Variants in ZNF652 observed in about 807,000 individuals in gnomAD.
ZNF652 encodes the protein zinc finger protein 652.
A neutral mutation model predicts 45.2 loss-of-function variants in ZNF652; 16 were observed. The ratio of observed to expected loss-of-function variants is 0.35; its 90% confidence interval spans 0.24 to 0.54. The LOEUF (loss-of-function observed/expected upper bound fraction) is 0.54. Ranked by LOEUF, ZNF652 falls within the 20% of genes least tolerant of loss-of-function variation. The pLI is 0.91. For synonymous variants in ZNF652, 250 were observed against 260.6 expected (o/e 0.96, Z 0.39); for missense variants, 614 against 765.6 (o/e 0.80, Z 2.34).
rs145396590 is a variant in ZNF652 at position 49,356,300 on chromosome 17, G to A, written c.-259+5609C>T. Among the ~76,000 whole-genome samples, 472 of 150,558 alleles carry A rather than the reference G, an allele frequency of 3.1e-3. 3 individuals are homozygous for A. The highest frequency in any genetic ancestry group is 0.011 in the African/African-American group (440 of 40,984). ...AAATTAGCCAGGCACGGTGGCAGGC[G>A]CCTGTAATCCCAGCTACTTGGGGGA... On this transcript the variant is annotated intron_variant, in intron 1 of 5. Coordinates refer to ENST00000430262, the MANE Select transcript of ZNF652 (RefSeq NM_001145365.3).
At chr17:49,355,083 A>C (rs1358523558) in intron 1 of ZNF652, among the ~76,000 whole-genome samples, 1 of 152,162 alleles carries the variant, frequency 6.6e-6, no homozygotes, top group Non-Finnish European at 1.5e-5. Flanking sequence ...TCATCAACCA[A>C]TTGATTGACA....
rs1473018893 is a variant in ZNF652 at position 49,294,222 on chromosome 17, G to A, written c.*4191C>T. ...CATCTCATCAGAGCATTTTGCTTTC[G>A]GTTAGTATATGAGGGACAATCAAAT... is the stretch of plus-strand genomic sequence containing the variant. On this transcript the variant is annotated 3_prime_UTR_variant, in exon 6 of 6. Coordinates refer to ENST00000430262, the MANE Select transcript of ZNF652 (RefSeq NM_001145365.3). Among the ~76,000 whole-genome samples the A allele has an allele frequency of 6.6e-6, 1 of 152,018 alleles. No individual in the cohort carries two copies. Among genetic ancestry groups the A allele is most frequent in the Non-Finnish European group, 1.5e-5 (1 of 67,994 alleles).
At chr17:49,310,114 C>G (rs1471390143) in intron 5 of ZNF652, among the ~76,000 whole-genome samples, 1 of 152,114 alleles carries the variant, frequency 6.6e-6, no homozygotes, top group Non-Finnish European at 1.5e-5. Context: ...CCACCATGCC[C>G]GGCTAATTTT....
chr17:49,351,010 TATATACACACACACACACACAC>T (rs1363470191), intron 1 of ZNF652, among the ~76,000 whole-genome samples: 18 of 19,650 alleles, frequency 9.2e-4, no homozygotes, highest in African/African-American at 3.7e-3. Context: ...TATATATATA[TATATACACACACACACACACAC>T]ACACACACAC....
In ZNF652 at chr17:49,289,300, A is replaced by T. The variant is rs2069373857; in HGVS notation, c.*9113T>A. 6.6e-6 allele frequency: 1 copy of T among 151,746 alleles called. No individual in the cohort carries two copies. The highest frequency in any genetic ancestry group is 1.5e-5 in the Non-Finnish European group (1 of 67,992). The allele number at this position is 151,746 out of a possible 1,614,324, so 9.4% of individuals were successfully genotyped here. ...GGCCCAGCATCTCAGAAAAATCATTAGGCGGCACACCTGTACCAGAGTCTC... is the reference window on the plus strand; with the variant it reads ...GGCCCAGCATCTCAGAAAAATCATTTGGCGGCACACCTGTACCAGAGTCTC... On this transcript the variant is annotated 3_prime_UTR_variant, in exon 6 of 6. Transcript: ENST00000430262.
chr17:49,351,598 C>T (rs1240500942), intron 1 of ZNF652, among the ~76,000 whole-genome samples: 1 of 151,936 alleles, frequency 6.6e-6, no homozygotes, highest in Non-Finnish European at 1.5e-5. Context: ...TATATATGTG[C>T]GCTCATATTG....
chr17:49,301,865 G>A (rs1436534450), intron 5 of ZNF652, among the ~76,000 whole-genome samples: 2 of 150,528 alleles, frequency 1.3e-5, no homozygotes, highest in African/African-American at 4.9e-5. Flanking sequence ...TGTCTATATA[G>A]TAAAAAACAA....
At chr17:49,318,226 C>T (rs1430404753) in intron 1 of ZNF652, among the ~76,000 whole-genome samples, 3 of 152,046 alleles carry the variant, frequency 2.0e-5, no homozygotes, top group East Asian at 1.9e-4. Context: ...TACAGGCGCC[C>T]GCCACCACAC....
intron 1 of ZNF652, among the ~76,000 whole-genome samples, chr17:49,351,012 TATACACACACACACACACAC>T (rs1292453505): frequency 0.049 from 980 of 19,948 alleles, 21 homozygotes; most frequent in African/African-American, 0.18. Flanking sequence ...TATATATATA[TATACACACACACACACACAC>T]ACACACACAC....
At chr17:49,359,349 G>C (rs1264551500) in intron 1 of ZNF652, among the ~76,000 whole-genome samples, 1 of 152,158 alleles carries the variant, frequency 6.6e-6, no homozygotes, top group Non-Finnish European at 1.5e-5. Context: ...AACTTATAGG[G>C]TATGCTGCAT....
chr17:49,300,229 G>A (rs966689067), intron 5 of ZNF652, among the ~76,000 whole-genome samples: 2 of 152,140 alleles, frequency 1.3e-5, no homozygotes, highest in African/African-American at 4.8e-5. Flanking sequence ...CTGGCACCCA[G>A]CATTCCTGGT....
intron 1 of ZNF652, among the ~76,000 whole-genome samples, chr17:49,346,950 A>G (rs2070211214): frequency 6.6e-6 from 1 of 152,234 alleles, no homozygotes; most frequent in Non-Finnish European, 1.5e-5. Flanking sequence ...TCCTAAGGGA[A>G]AGAAAGGAAG....
intron 5 of ZNF652, among the ~76,000 whole-genome samples, chr17:49,310,551 G>A (rs1490984300): frequency 6.6e-6 from 1 of 152,134 alleles, no homozygotes; most frequent in Non-Finnish European, 1.5e-5. Context: ...CTCTTGGAAC[G>A]GATGTGTTCC....
intron 1 of ZNF652, among the ~76,000 whole-genome samples, chr17:49,340,851 G>C: frequency 6.6e-6 from 1 of 152,168 alleles, no homozygotes; most frequent in South Asian, 2.1e-4. Context: ...TGGGGCTGCA[G>C]TGGAGTGGAA....
At chr17:49,316,007 A>G (rs764697269) in intron 2 of ZNF652, among the ~76,000 whole-genome samples, 54 of 152,204 alleles carry the variant, frequency 3.5e-4, no homozygotes, top group Non-Finnish European at 6.2e-4. Flanking sequence ...GGTACAAAAT[A>G]TTTCTGTTAC....
At chr17:49,320,460 A>G (rs1381786262) in intron 1 of ZNF652, among the ~76,000 whole-genome samples, 3 of 152,250 alleles carry the variant, frequency 2.0e-5, no homozygotes, top group African/African-American at 7.2e-5. Context: ...CGACAGAGGT[A>G]GTATTTGACT....
In ZNF652 at chr17:49,317,835, GA is replaced by G; in HGVS notation, c.-111del. ...CTCATCCACAAAGAATCACTCAAAT[GA>G]AAAAAAGATATTCCTGGAAACTGTG... On this transcript the variant is annotated 5_prime_UTR_variant, in exon 2 of 6. The change abolishes the stop of an existing upstream ORF in the 5' untranslated region. Coordinates refer to ENST00000430262, the MANE Select transcript of ZNF652 (RefSeq NM_001145365.3). The G allele has an allele frequency of 2.4e-5, 28 of 1,169,594 alleles. No individual in the cohort carries two copies. The highest frequency in any genetic ancestry group is 3.1e-5 in the Non-Finnish European group (27 of 865,530). 72.5% of individuals were successfully genotyped at this position (1,169,594 alleles called of 1,614,324 possible).
At position 49,321,209 on chromosome 17, in the gene ZNF652, A is replaced by C. The variant is rs1283233319; in HGVS notation, c.-258-3226T>G. Among the ~76,000 whole-genome samples the C allele has an allele frequency of 2.0e-5, 3 of 152,076 alleles. 1 individual carries two copies. In the East Asian group the frequency reaches 5.8e-4, roughly 29 times the overall value. ...AATCTTCCAGGTGATGGTTGCTCTCAGCTTGGTCCCCTAAGATGACCTACT... is the reference window on the plus strand; with the variant it reads ...AATCTTCCAGGTGATGGTTGCTCTCCGCTTGGTCCCCTAAGATGACCTACT... On this transcript the variant is annotated intron_variant, in intron 1 of 5. Coordinates refer to ENST00000430262, the MANE Select transcript of ZNF652 (RefSeq NM_001145365.3).
intron 4 of ZNF652, 100 bp from the exon 5 acceptor site, chr17:49,311,556 C>A: frequency 7.8e-7 from 1 of 1,277,544 alleles, no homozygotes; most frequent in Non-Finnish European, 1.1e-6. Context: ...TTTTCATATT[C>A]AAAATAGAAC....
Sources: allele counts gnomAD v4.1 joint callset (sites outside exome capture counted in the v4.1 genomes callset), GRCh38; gene constraint gnomAD v4.1.1; transcripts MANE v1.5; gene names NCBI Gene and HGNC (gene_info 2026-07-23, HGNC 2026-07-21).